Variants in RPH3AL observed in about 807,000 individuals in gnomAD.
RPH3AL encodes rabphilin 3A like (without C2 domains).
RPH3AL carries 38 observed loss-of-function variants against 43.1 expected under a neutral mutation model. That is an observed-to-expected ratio of 0.88 (90% confidence interval 0.68 to 1.15). The LOEUF (loss-of-function observed/expected upper bound fraction) is 1.15, where lower values mean the gene tolerates loss of function less well. RPH3AL is among the 50% of genes most tolerant of loss of function. RPH3AL has a pLI of 0.00. For synonymous variants in RPH3AL, 189 were observed against 176.3 expected (o/e 1.07, Z -0.57); for missense variants, 462 against 423.2 (o/e 1.09, Z -0.81).
chr17:273,848 G>C (rs905876956), intron 6 of RPH3AL, among the ~76,000 whole-genome samples: 24 of 152,198 alleles, frequency 1.6e-4, no homozygotes, highest in African/African-American at 5.8e-4. Context: ...ATGCTGAACA[G>C]AGAAGAACAC....
At chr17:302,060 C>A (rs149293899) in intron 5 of RPH3AL, among the ~76,000 whole-genome samples, 169 of 152,360 alleles carry the variant, frequency 1.1e-3, no homozygotes, top group Admixed American at 1.9e-3. Flanking sequence ...GGGCGGCAAA[C>A]CTGCCACAGC....
At chr17:336,356 G>A (rs1030027743) in intron 1 of RPH3AL, among the ~76,000 whole-genome samples, 1 of 152,122 alleles carries the variant, frequency 6.6e-6, no homozygotes, top group Non-Finnish European at 1.5e-5. Flanking sequence ...CCACTCACTC[G>A]GAAGCGTTGC....
intron 7 of RPH3AL, among the ~76,000 whole-genome samples, chr17:244,239 T>C (rs1002717010): frequency 6.7e-6 from 1 of 148,546 alleles, no homozygotes; most frequent in African/African-American, 2.5e-5. Context: ...CCTTCCTCTA[T>C]TGATTACCTT....
At chr17:294,180 TG>T (rs1270392732) in intron 5 of RPH3AL, among the ~76,000 whole-genome samples, 3 of 151,658 alleles carry the variant, frequency 2.0e-5, no homozygotes, top group Non-Finnish European at 2.9e-5. Context: ...CAGTGTGAGG[TG>T]TGAGGTGTGA....
chr17:333,074 C>G lies in RPH3AL; in HGVS notation c.-37+685G>C. ...CTTCCAGGAGGATGCAATTCTCTCT[C>G]TAAAGTCGAGAGCTCACCACCCCGG... On this transcript the variant is annotated intron_variant, in intron 2 of 9. Transcript: ENST00000331302. This position sits in a 1 kb window ranked among gnomAD's most constrained non-coding sequence, Gnocchi z 4.5. 7.8e-7 allele frequency: 1 copy of G among 1,288,884 alleles called. No individual in the cohort carries two copies. Among genetic ancestry groups the G allele is most frequent in the South Asian group, 1.2e-5 (1 of 81,006 alleles). 79.8% of individuals were successfully genotyped at this position (1,288,884 alleles called of 1,614,324 possible). A position where few individuals can be genotyped will look rare whatever the true frequency, so the allele number is the denominator to read the frequency against.
chr17:313,812 C>T (rs937657209), intron 5 of RPH3AL, among the ~76,000 whole-genome samples: 2 of 152,140 alleles, frequency 1.3e-5, no homozygotes, highest in African/African-American at 4.8e-5. Flanking sequence ...AATGACACCA[C>T]CTTCTCCAAG....
chr17:342,435 G>T lies in RPH3AL; in HGVS notation c.-212-8501C>A, dbSNP rs1327428807. Reference sequence around the variant, plus strand: ...GCTCATAGCAGCACCATTCACAATAGCCAAAGGGGGAAACAACTCAAATGT... The same window carrying T: ...GCTCATAGCAGCACCATTCACAATATCCAAAGGGGGAAACAACTCAAATGT... On this transcript the variant is annotated intron_variant, in intron 1 of 9. Coordinates refer to ENST00000331302, the MANE Select transcript of RPH3AL (RefSeq NM_006987.4). 2.6e-5 allele frequency among the ~76,000 whole-genome samples: 4 copies of T among 152,302 alleles called. No individual in the cohort carries two copies. In the East Asian group the frequency reaches 7.7e-4, roughly 29 times the overall value.
chr17:261,951 A>G (rs901505288), intron 6 of RPH3AL: 1 of 152,214 alleles, frequency 6.6e-6, no homozygotes, highest in Admixed American at 6.5e-5. Flanking sequence ...GTAAAATAAA[A>G]AAGCTGCATA....
At chr17:285,289 G>A (rs55868427) in intron 5 of RPH3AL, among the ~76,000 whole-genome samples, 26,496 of 152,086 alleles carry the variant, frequency 0.17, 2,675 homozygotes, top group East Asian at 0.43. Context: ...CGCACGGCAC[G>A]GCGCACAGGT....
intron 2 of RPH3AL, chr17:331,875 A>G (rs1215321731): frequency 9.3e-6 from 12 of 1,289,044 alleles, no homozygotes; most frequent in South Asian, 8.6e-5. Flanking sequence ...AGGTATGACC[A>G]TTTGTCCTGG....
At chr17:235,683 C>CGT (rs2041364336) in intron 7 of RPH3AL, among the ~76,000 whole-genome samples, 2 of 53,650 alleles carry the variant, frequency 3.7e-5, no homozygotes, top group Non-Finnish European at 7.8e-5. Flanking sequence ...GGAGGCTCTA[C>CGT]ACTAACAAGA....
chr17:233,385 C>T (rs1489473922), intron 7 of RPH3AL, among the ~76,000 whole-genome samples: 3 of 152,180 alleles, frequency 2.0e-5, no homozygotes, highest in African/African-American at 7.2e-5. Context: ...GGAAAAATGA[C>T]TTCCAACGCC....
chr17:297,550 G>A lies in RPH3AL; in HGVS notation c.352-15696C>T, dbSNP rs148197864. The stretch of plus-strand genomic sequence containing the variant: ...CCCACTGGAGAATGTGCTGCGGATC[G>A]GGCGTGGGTGGGAGAAATCCACACA... On this transcript the variant is annotated intron_variant, in intron 5 of 9. Transcript: ENST00000331302. Among the ~76,000 whole-genome samples, 696 of 152,332 alleles carry A rather than the reference G, an allele frequency of 4.6e-3. 7 individuals are homozygous for A. Among genetic ancestry groups the A allele is most frequent in the African/African-American group, 0.016 (645 of 41,578 alleles).
chr17:305,383 T>G (rs1254557825), intron 5 of RPH3AL, among the ~76,000 whole-genome samples: 1 of 152,010 alleles, frequency 6.6e-6, no homozygotes, highest in Non-Finnish European at 1.5e-5. Context: ...GGGTGGTGCC[T>G]GCCTGGCAGC....
At chr17:216,727 C>T (rs1325756076) in intron 8 of RPH3AL, among the ~76,000 whole-genome samples, 3 of 152,166 alleles carry the variant, frequency 2.0e-5, no homozygotes, top group African/African-American at 7.2e-5. Context: ...GGTCCAGGGA[C>T]AGTTTTCATC....
chr17:266,963 G>A (rs1004056346), intron 6 of RPH3AL, among the ~76,000 whole-genome samples: 20 of 152,200 alleles, frequency 1.3e-4, no homozygotes, highest in Non-Finnish European at 2.1e-4. Flanking sequence ...GGGACAGGTC[G>A]CCAAGCTTCA....
At chr17:321,594 CAACA>C in intron 3 of RPH3AL, 179 bp from the exon 4 acceptor site, 1 of 524,266 alleles carries the variant, frequency 1.9e-6, no homozygotes, top group Non-Finnish European at 3.1e-6. Flanking sequence ...GCCCAGGTGG[CAACA>C]GAGACGGCCC....
chr17:338,917 C>G (rs2045037087), intron 1 of RPH3AL: 1 of 152,502 alleles, frequency 6.6e-6, no homozygotes, highest in African/African-American at 2.4e-5. Flanking sequence ...TGCTCCAGGC[C>G]CCGGGGGGCA....
intron 5 of RPH3AL, among the ~76,000 whole-genome samples, chr17:309,727 G>A (rs1248047493): frequency 6.4e-5 from 9 of 141,190 alleles, no homozygotes; most frequent in African/African-American, 2.8e-4. Flanking sequence ...TGGGGGTCCA[G>A]GATACGGCAT....
Sources: allele counts gnomAD v4.1 joint callset (sites outside exome capture counted in the v4.1 genomes callset), GRCh38; gene constraint gnomAD v4.1.1; non-coding constraint Gnocchi (gnomAD v3.1); transcripts MANE v1.5; gene names NCBI Gene and HGNC (gene_info 2026-07-23, HGNC 2026-07-21).